LYN: variants seen among roughly 807,000 people sequenced by gnomAD.
LYN encodes tyrosine-protein kinase Lyn.
Under a neutral mutation model 65.0 loss-of-function variants are expected in LYN, and 12 were observed. The ratio of observed to expected loss-of-function variants is 0.18; its 90% CI spans 0.12 to 0.30. The LOEUF (loss-of-function observed/expected upper bound fraction) is 0.30. LYN is among the 10% of genes least tolerant of loss of function. The pLI is 1.00. For missense variants in LYN, 380 were observed against 623.2 expected (o/e 0.61, Z 4.16); for synonymous variants, 222 against 221.2 (o/e 1.00, Z -0.03).
chr8:55,935,704 C>T (rs570222034), intron 1 of LYN, among the ~76,000 whole-genome samples: 6 of 151,102 alleles, frequency 4.0e-5, no homozygotes, highest in African/African-American at 1.5e-4. Flanking sequence ...TCGCTTGAAC[C>T]CAGGAGGCAG....
At position 55,887,575 on chromosome 8, in the gene LYN, T is replaced by TACACACACACACAC. The variant is rs372547745; in HGVS notation, c.-6+7488_-6+7501dup. ...AAATATAAATATATATATATATATA[T>TACACACACACACAC]ACACACACACACACACACACACACA... is the stretch of plus-strand genomic sequence containing the variant. On this transcript the variant is annotated intron_variant, in intron 1 of 12. Coordinates refer to ENST00000519728, the MANE Select transcript of LYN (RefSeq NM_002350.4). Among the ~76,000 whole-genome samples the TACACACACACACAC allele has an allele frequency of 6.4e-3, 597 of 93,424 alleles. 14 individuals carry two copies. The highest frequency in any genetic ancestry group is 0.015 in the South Asian group (41 of 2,776). The allele number at this position is 93,424 out of a possible 152,430, so 61.3% of individuals were successfully genotyped here.
Position 55,953,909 on chromosome 8 carries a change from GCCTGGGAGATC to G in LYN, c.718_728del (p.Trp240ProfsTer24). 6.2e-7 allele frequency: 1 copy of G among 1,614,150 alleles called. No individual in the cohort carries two copies. Among genetic ancestry groups the G allele is most frequent in the Non-Finnish European group, 8.5e-7 (1 of 1,180,024 alleles). On this transcript the variant is annotated frameshift_variant, in exon 8 of 13. Coordinates refer to ENST00000519728, the MANE Select transcript of LYN (RefSeq NM_002350.4). LOFTEE classifies it high-confidence loss of function. ...GCCACAGAAGCCATGGGATAAAGAT[GCCTGGGAGATC>G]CCCCGGGAGTCCATCAAGTTGGTGA...
intron 12 of LYN, among the ~76,000 whole-genome samples, chr8:56,008,947 A>G (rs902309302): frequency 6.6e-6 from 1 of 152,222 alleles, no homozygotes; most frequent in African/African-American, 2.4e-5. Flanking sequence ...ACTACAGACA[A>G]GTGTCCTTCA....
At chr8:55,984,310 C>T (rs1394191030) in intron 10 of LYN, among the ~76,000 whole-genome samples, 2 of 152,188 alleles carry the variant, frequency 1.3e-5, no homozygotes, top group Non-Finnish European at 2.9e-5. Flanking sequence ...TAGCTCAGCC[C>T]AAACTGCTCC....
chr8:55,974,068 A>G (rs1208159773), intron 10 of LYN, among the ~76,000 whole-genome samples: 1 of 152,176 alleles, frequency 6.6e-6, no homozygotes, highest in African/African-American at 2.4e-5. Flanking sequence ...GAAAGCATAT[A>G]TTTTGTTGTT....
chr8:56,009,891 GT>G lies in LYN; in HGVS notation c.1337-10del, dbSNP rs760527134. On this transcript the variant is annotated splice_polypyrimidine_tract_variant and intron_variant, in intron 12 of 12. Coordinates refer to ENST00000519728, the MANE Select transcript of LYN (RefSeq NM_002350.4). ...AACGGCATGGGTTTCTGTTCTTTTT[GT>G]TTTTTTCCACCCTAGGGAGAACTAA... 2 of 1,609,466 alleles carry G rather than the reference GT, an allele frequency of 1.2e-6. No homozygotes were observed. The highest frequency in any genetic ancestry group is 2.2e-5 in the South Asian group (2 of 90,714).
intron 12 of LYN, among the ~76,000 whole-genome samples, chr8:56,008,512 A>G (rs1808734981): frequency 6.6e-6 from 1 of 152,244 alleles, no homozygotes; most frequent in Non-Finnish European, 1.5e-5. Flanking sequence ...TGCAAAACAT[A>G]CAGGTGTGGA....
At chr8:55,988,106 T>C (rs978196226) in intron 10 of LYN, among the ~76,000 whole-genome samples, 1 of 152,244 alleles carries the variant, frequency 6.6e-6, no homozygotes, top group Non-Finnish European at 1.5e-5. Context: ...GCATGAGCTC[T>C]CTGTTCCATC....
At chr8:55,960,843 G>C (rs759439443) in intron 8 of LYN, among the ~76,000 whole-genome samples, 2 of 152,098 alleles carry the variant, frequency 1.3e-5, no homozygotes, top group Non-Finnish European at 2.9e-5. Flanking sequence ...CCTGTTCTTT[G>C]GGGGAAGGGG....
At chr8:55,881,965 A>C (rs1392645782) in intron 1 of LYN, among the ~76,000 whole-genome samples, 2 of 152,182 alleles carry the variant, frequency 1.3e-5, no homozygotes, top group African/African-American at 4.8e-5. Flanking sequence ...GGACATAGGG[A>C]GATGAAGAAA....
chr8:55,949,693 G>A (rs752200104), intron 4 of LYN, among the ~76,000 whole-genome samples: 5 of 152,062 alleles, frequency 3.3e-5, no homozygotes, highest in Non-Finnish European at 7.4e-5. Context: ...TTCTTTCTTT[G>A]TGTTGTGAAC....
intron 1 of LYN, among the ~76,000 whole-genome samples, chr8:55,907,122 G>T (rs1373139397): frequency 1.3e-5 from 2 of 152,032 alleles, no homozygotes; most frequent in South Asian, 4.1e-4. Flanking sequence ...TCCACAAAAA[G>T]ACATGTCCAG....
intron 7 of LYN, 83 bp downstream of exon 7, chr8:55,952,198 A>C: frequency 9.2e-7 from 1 of 1,091,186 alleles, no homozygotes; most frequent in South Asian, 1.8e-5. Context: ...TTTATATTAA[A>C]ACTTTTTATG....
Position 55,924,201 on chromosome 8 carries a change from T to G in LYN, c.-5-17654T>G, listed in dbSNP as rs117063411. 6.8e-3 allele frequency among the ~76,000 whole-genome samples: 1,040 copies of G among 152,226 alleles called. 10 individuals are homozygous for G. The highest frequency in any genetic ancestry group is 0.01 in the Non-Finnish European group (697 of 67,980). The stretch of plus-strand genomic sequence containing the variant: ...TACCTCTCACGATGTGTGAGAGATG[T>G]CATTGTGTTTCCCTTGAAAATTTGA... On this transcript the variant is annotated intron_variant, in intron 1 of 12. Coordinates refer to ENST00000519728, the MANE Select transcript of LYN (RefSeq NM_002350.4).
At chr8:55,893,177 C>G (rs2130366441) in intron 1 of LYN, among the ~76,000 whole-genome samples, 1 of 152,304 alleles carries the variant, frequency 6.6e-6, no homozygotes, top group South Asian at 2.1e-4. Flanking sequence ...GATTCAGTTG[C>G]TAAAATTCTC....
chr8:55,900,247 G>A (rs953568183), intron 1 of LYN, among the ~76,000 whole-genome samples: 2 of 152,176 alleles, frequency 1.3e-5, no homozygotes, highest in Admixed American at 6.6e-5. Context: ...TAAACATTGC[G>A]TCAAGTTTAA....
At chr8:55,966,364 T>C (rs1807457576) in intron 8 of LYN, among the ~76,000 whole-genome samples, 1 of 73,944 alleles carries the variant, frequency 1.4e-5, no homozygotes, top group Admixed American at 1.3e-4. Context: ...AAAGTGAAGT[T>C]TTAATTTTTT....
intron 8 of LYN, among the ~76,000 whole-genome samples, chr8:55,964,714 AAAGAG>A (rs1807397474): frequency 6.6e-6 from 1 of 152,230 alleles, no homozygotes; most frequent in Admixed American, 6.5e-5. Context: ...TGGAAAAAAG[AAAGAG>A]AAGAGAAGAG....
intron 10 of LYN, among the ~76,000 whole-genome samples, chr8:55,982,876 C>T (rs536036621): frequency 1.2e-4 from 18 of 152,226 alleles, no homozygotes; most frequent in African/African-American, 3.9e-4. Context: ...GCAGCCGCTC[C>T]AGCCCCTACA....
Sources: allele counts gnomAD v4.1 joint callset (sites outside exome capture counted in the v4.1 genomes callset), GRCh38; gene constraint gnomAD v4.1.1; transcripts MANE v1.5; gene names NCBI Gene and HGNC (gene_info 2026-07-23, HGNC 2026-07-21).